The following HAO1 variants were observed in gnomAD, a reference collection of about 807,000 sequenced individuals.
HAO1 encodes 2-Hydroxyacid oxidase 1.
Under a neutral mutation model 39.7 loss-of-function variants are expected in HAO1, and 34 were observed. That is an observed-to-expected ratio of 0.86 (90% CI 0.65 to 1.14). The LOEUF (loss-of-function observed/expected upper bound fraction) is 1.14, where lower values mean the gene tolerates loss of function less well. Ranked by LOEUF, HAO1 falls within the 50% of genes most tolerant of loss-of-function variation. HAO1 has a pLI of 0.00. For synonymous variants in HAO1, 172 were observed against 173.2 expected (o/e 0.99, Z 0.05); for missense variants, 479 against 464.5 (o/e 1.03, Z -0.29).
chr20:7,905,440 C>G (rs2050243074), intron 4 of HAO1, among the ~76,000 whole-genome samples: 1 of 152,116 alleles, frequency 6.6e-6, no homozygotes, highest in Non-Finnish European at 1.5e-5. Context: ...CTTACTCAAA[C>G]ATTTCAGTTA....
chr20:7,891,798 C>T (rs1400624616), intron 5 of HAO1, among the ~76,000 whole-genome samples: 1 of 152,084 alleles, frequency 6.6e-6, no homozygotes, highest in Non-Finnish European at 1.5e-5. Context: ...CTATTTTTCC[C>T]TTAAAATCTA....
intron 2 of HAO1, among the ~76,000 whole-genome samples, chr20:7,927,170 A>C (rs1013100655): frequency 6.6e-6 from 1 of 152,188 alleles, no homozygotes; most frequent in Admixed American, 6.5e-5. Context: ...TTCTTAAAGC[A>C]CCAAATGGTA....
chr20:7,919,955 C>A (rs991902679), intron 2 of HAO1, among the ~76,000 whole-genome samples: 1 of 152,056 alleles, frequency 6.6e-6, no homozygotes, highest in African/African-American at 2.4e-5. Flanking sequence ...ATGTTTTGAT[C>A]TATGTATACA....
rs543667498 is a variant in HAO1, at chr20:7,939,614, T to TA, written c.137+671dup. The stretch of plus-strand genomic sequence containing the variant: ...AAATAAACCATTTTTGTAACTGCTA[T>TA]AAAAAAAAACCCTTTGAAATGATTT... On this transcript the variant is annotated intron_variant, in intron 1 of 7. Coordinates refer to ENST00000378789, the MANE Select transcript of HAO1 (RefSeq NM_017545.3). Among the ~76,000 whole-genome samples the TA allele has an allele frequency of 1.2e-3, 186 of 151,316 alleles. 1 individual carries two copies. In the South Asian group the frequency reaches 0.027, roughly 22 times the overall value.
At chr20:7,904,536 T>C (rs1215147801) in intron 4 of HAO1, among the ~76,000 whole-genome samples, 1 of 152,156 alleles carries the variant, frequency 6.6e-6, no homozygotes, top group African/African-American at 2.4e-5. Flanking sequence ...ATGGCAAAAC[T>C]CAAGCATCAT....
At chr20:7,935,744 G>T (rs189517817) in intron 1 of HAO1, among the ~76,000 whole-genome samples, 1 of 152,136 alleles carries the variant, frequency 6.6e-6, no homozygotes, top group Non-Finnish European at 1.5e-5. Flanking sequence ...AAAATTTACA[G>T]AAGAACTAGT....
intron 2 of HAO1, among the ~76,000 whole-genome samples, chr20:7,924,606 A>T (rs758376114): frequency 2.6e-5 from 4 of 152,160 alleles, no homozygotes; most frequent in Non-Finnish European, 4.4e-5. Flanking sequence ...ACATCAATTC[A>T]TATGGGACTA....
chr20:7,935,505 T>G (rs2050406170), intron 1 of HAO1, among the ~76,000 whole-genome samples: 1 of 152,246 alleles, frequency 6.6e-6, no homozygotes, highest in Non-Finnish European at 1.5e-5. Context: ...TAATTTGGTT[T>G]CTTCAAAATT....
chr20:7,917,358 A>AAG (rs926642542), intron 2 of HAO1, among the ~76,000 whole-genome samples: 9 of 151,640 alleles, frequency 5.9e-5, no homozygotes, highest in African/African-American at 1.7e-4. Context: ...AAAAAAAAAA[A>AAG]AAGTCCTGAA....
intron 1 of HAO1, among the ~76,000 whole-genome samples, chr20:7,937,225 A>T (rs1167852882): frequency 6.6e-6 from 1 of 152,164 alleles, no homozygotes; most frequent in East Asian, 1.9e-4. Flanking sequence ...TTGAAGGAAG[A>T]CACCCATGCC....
intron 2 of HAO1, among the ~76,000 whole-genome samples, chr20:7,916,865 T>C (rs959762269): frequency 6.6e-6 from 1 of 152,126 alleles, no homozygotes; most frequent in African/African-American, 2.4e-5. Flanking sequence ...GGCAAAATAT[T>C]GTCTAAAACC....
At chr20:7,932,272 A>G (rs1306051860) in intron 2 of HAO1, among the ~76,000 whole-genome samples, 1 of 152,184 alleles carries the variant, frequency 6.6e-6, no homozygotes, top group African/African-American at 2.4e-5. Context: ...TAAATTACCC[A>G]GTCTCGAAGA....
chr20:7,911,587 C>T (rs2050279712), intron 3 of HAO1, among the ~76,000 whole-genome samples: 1 of 152,118 alleles, frequency 6.6e-6, no homozygotes, highest in African/African-American at 2.4e-5. Context: ...CAGGAACCCC[C>T]TTGCCATTAA....
intron 2 of HAO1, among the ~76,000 whole-genome samples, chr20:7,916,061 G>T (rs1053366433): frequency 6.6e-6 from 1 of 152,072 alleles, no homozygotes; most frequent in Non-Finnish European, 1.5e-5. Context: ...TGGGGGGAAA[G>T]GTAGCAAGAA....
chr20:7,893,984 CT>C (rs2050185477), intron 5 of HAO1, among the ~76,000 whole-genome samples: 1 of 152,166 alleles, frequency 6.6e-6, no homozygotes, highest in Admixed American at 6.5e-5. Flanking sequence ...CCATTTTACT[CT>C]TAGGCTTATC....
At chr20:7,908,723 G>T (rs1252207198) in intron 3 of HAO1, among the ~76,000 whole-genome samples, 2 of 152,064 alleles carry the variant, frequency 1.3e-5, no homozygotes, top group Non-Finnish European at 2.9e-5. Context: ...CTAGTCATTG[G>T]GCTTTGGTGG....
chr20:7,911,287 T>A (rs1186931194), intron 3 of HAO1, among the ~76,000 whole-genome samples: 1 of 152,212 alleles, frequency 6.6e-6, no homozygotes, highest in African/African-American at 2.4e-5. Flanking sequence ...GATCAATAAA[T>A]CATTTCTGGG....
intron 2 of HAO1, among the ~76,000 whole-genome samples, chr20:7,922,121 GA>G (rs1049684808): frequency 1.1e-4 from 17 of 151,408 alleles, no homozygotes; most frequent in African/African-American, 3.1e-4. Context: ...GTTGAAAAAA[GA>G]AAAAAAATTG....
intron 2 of HAO1, among the ~76,000 whole-genome samples, chr20:7,919,448 C>T (rs1600116571): frequency 1.3e-5 from 2 of 151,982 alleles, no homozygotes; most frequent in East Asian, 3.9e-4. Flanking sequence ...CACACACATA[C>T]AATCACTAAA....
Sources: allele counts gnomAD v4.1 joint callset (sites outside exome capture counted in the v4.1 genomes callset), GRCh38; gene constraint gnomAD v4.1.1; transcripts MANE v1.5; gene names NCBI Gene and HGNC (gene_info 2026-07-23, HGNC 2026-07-21).